The following ADAMTS18 variants were observed in gnomAD, a reference collection of about 807,000 sequenced individuals.
ADAMTS18 encodes the protein A disintegrin and metalloproteinase with thrombospondin motifs 18.
Under a neutral mutation model 165.9 loss-of-function variants are expected in ADAMTS18, and 157 were observed. That is an observed-to-expected ratio of 0.95 (90% confidence interval 0.83 to 1.08). The LOEUF (loss-of-function observed/expected upper bound fraction) is 1.08, where lower values mean the gene tolerates loss of function less well. ADAMTS18 is among the 50% of genes least tolerant of loss of function. ADAMTS18 has a pLI of 0.00. For missense variants in ADAMTS18, 2,040 were observed against 1,534.0 expected, an observed-to-expected ratio of 1.33 and a Z score of -5.51; for synonymous variants, 782 against 578.2, an observed-to-expected ratio of 1.35 and a Z score of -5.06.
At chr16:77,385,224 G>C (rs1423575851) in intron 3 of ADAMTS18, among the ~76,000 whole-genome samples, 1 of 152,042 alleles carries the variant, frequency 6.6e-6, no homozygotes, top group South Asian at 2.1e-4. Context: ...TAAATATTTT[G>C]ATATAAGATT....
intron 16 of ADAMTS18, among the ~76,000 whole-genome samples, chr16:77,318,341 A>G (rs926885029): frequency 2.0e-5 from 3 of 152,212 alleles, no homozygotes; most frequent in African/African-American, 7.2e-5. Flanking sequence ...AATGACAAGT[A>G]GCTGAGCCTT....
At chr16:77,413,306 T>G (rs188540716) in intron 3 of ADAMTS18, among the ~76,000 whole-genome samples, 488 of 152,292 alleles carry the variant, frequency 3.2e-3, no homozygotes, top group African/African-American at 0.012. Flanking sequence ...ACATTAAAAC[T>G]AAAGACAGGC....
chr16:77,289,542 ACATGTGCTTACAGTCCACAGCAT>A (rs1282939469), intron 21 of ADAMTS18, 131 bp from the exon 22 acceptor site: 2 of 1,009,444 alleles, frequency 2.0e-6, no homozygotes, highest in Admixed American at 4.0e-5. Flanking sequence ...GGAGCCAGGC[ACATGTGCTTACAGTCCACAGCAT>A]CTATCCTAAC....
intron 12 of ADAMTS18, among the ~76,000 whole-genome samples, chr16:77,329,098 TTCTC>T (rs752216914): frequency 4.2e-4 from 63 of 151,572 alleles, no homozygotes; most frequent in South Asian, 4.2e-4. Flanking sequence ...ATGAGGGAGA[TTCTC>T]TCTTTTTTTT....
chr16:77,294,775 T>C, intron 19 of ADAMTS18, 148 bp downstream of exon 19: 1 of 780,390 alleles, frequency 1.3e-6, no homozygotes, highest in South Asian at 1.6e-5. Flanking sequence ...TAAAGAACAT[T>C]AGTTAAAATG....
chr16:77,381,976 A>C (rs988294114), intron 3 of ADAMTS18, among the ~76,000 whole-genome samples: 14 of 152,066 alleles, frequency 9.2e-5, no homozygotes, highest in Non-Finnish European at 1.6e-4. Context: ...TCACCAATCT[A>C]GTTCAGATTT....
At chr16:77,379,456 G>T (rs55700236) in intron 3 of ADAMTS18, among the ~76,000 whole-genome samples, 56,374 of 151,946 alleles carry the variant, frequency 0.37, 11,205 homozygotes, top group East Asian at 0.79. Flanking sequence ...TGGACTAGAG[G>T]TGTCACCTTA....
intron 16 of ADAMTS18, among the ~76,000 whole-genome samples, chr16:77,314,778 A>ATATATATATATATATATATATATGTATG (rs1366859577): frequency 1.2e-5 from 1 of 85,510 alleles, no homozygotes; most frequent in Non-Finnish European, 2.4e-5. Flanking sequence ...ATATATATAT[A>ATATATATATATATATATATATATGTATG]TATATATAAA....
rs780657444 is a variant in ADAMTS18 at position 77,289,412 on chromosome 16, C to G, written c.3403-1G>C. The stretch of plus-strand genomic sequence containing the variant: ...CCCCTCCCCCACAGGTGACTGTGCA[C>G]TGCAGCAGAGAGAAGAGGAAGGAGT... On this transcript the variant is annotated splice_acceptor_variant, in intron 21 of 22. Transcript: ENST00000282849. LOFTEE classifies it high-confidence loss of function. The G allele has an allele frequency of 6.2e-6, 10 of 1,613,978 alleles. No homozygotes were observed. The highest frequency in any genetic ancestry group is 8.5e-6 in the Non-Finnish European group (10 of 1,179,960).
At chr16:77,426,624 T>C (rs1262458906) in intron 3 of ADAMTS18, among the ~76,000 whole-genome samples, 4 of 152,204 alleles carry the variant, frequency 2.6e-5, no homozygotes, top group African/African-American at 4.8e-5. Flanking sequence ...CTTCCCTAGA[T>C]TGTAAGCTCT....
rs551128164 is a variant in ADAMTS18 at position 77,319,487 on chromosome 16, G to T, written c.2532+362C>A. 1.4e-4 allele frequency among the ~76,000 whole-genome samples: 22 copies of T among 152,230 alleles called. No individual in the cohort carries two copies. In the South Asian group the frequency reaches 4.4e-3, roughly 30 times the overall value. On this transcript the variant is annotated intron_variant, in intron 16 of 22. Coordinates refer to ENST00000282849, the MANE Select transcript of ADAMTS18 (RefSeq NM_199355.4). ...TGAAACAGTCTTGCTCTGTTGCCCA[G>T]GCTGGAGTGCAGTGGCACATCTTGG... is the stretch of plus-strand genomic sequence containing the variant.
chr16:77,400,933 C>A (rs1333745472), intron 3 of ADAMTS18, among the ~76,000 whole-genome samples: 1 of 151,804 alleles, frequency 6.6e-6, no homozygotes, highest in Non-Finnish European at 1.5e-5. Context: ...TACCTGCACC[C>A]AAAATTCTTA....
At chr16:77,392,474 T>C (rs1345927322) in intron 3 of ADAMTS18, among the ~76,000 whole-genome samples, 1 of 152,106 alleles carries the variant, frequency 6.6e-6, no homozygotes, top group South Asian at 2.1e-4. Context: ...CCTACACGTG[T>C]CCACCTCAGA....
At chr16:77,418,818 G>T (rs2057563338) in intron 3 of ADAMTS18, among the ~76,000 whole-genome samples, 2 of 152,126 alleles carry the variant, frequency 1.3e-5, no homozygotes, top group South Asian at 4.1e-4. Context: ...GTTTTCTATT[G>T]CTGCCTAACA....
intron 7 of ADAMTS18, 87 bp from the exon 8 acceptor site, chr16:77,359,510 C>A: frequency 9.0e-7 from 1 of 1,110,476 alleles, no homozygotes; most frequent in South Asian, 1.3e-5. Flanking sequence ...ATGTTCTACA[C>A]AGTTTTAGTT....
chr16:77,425,976 A>G (rs1425480412), intron 3 of ADAMTS18, among the ~76,000 whole-genome samples: 2 of 151,900 alleles, frequency 1.3e-5, no homozygotes, highest in Non-Finnish European at 2.9e-5. Flanking sequence ...AATCTGGGAG[A>G]CAGAGGTTGC....
At chr16:77,304,707 GA>G in intron 16 of ADAMTS18, among the ~76,000 whole-genome samples, 1 of 152,224 alleles carries the variant, frequency 6.6e-6, no homozygotes, top group Admixed American at 6.5e-5. Flanking sequence ...CTGGCCAAAA[GA>G]AAAAGAGAAA....
chr16:77,384,006 G>A lies in ADAMTS18; in HGVS notation c.496-16283C>T, dbSNP rs143798001. 4.3e-4 allele frequency among the ~76,000 whole-genome samples: 65 copies of A among 152,122 alleles called. No homozygotes were observed. In the East Asian group the frequency reaches 0.01, roughly 24 times the overall value. On this transcript the variant is annotated intron_variant, in intron 3 of 22. Coordinates refer to ENST00000282849, the MANE Select transcript of ADAMTS18 (RefSeq NM_199355.4). ...TTATCATGACATGAGAGTGCCACAC[G>A]CAGCTGTTTCCTTCTGTGTTTACTG...
Position 77,291,252 on chromosome 16 carries a change from C to T in ADAMTS18, c.3402+14G>A, listed in dbSNP as rs200435002. The stretch of plus-strand genomic sequence containing the variant: ...TCACTTGAATAGACACCTCCTCAAT[C>T]GGCCTGTACCCACCTGCTGCCACGG... On this transcript the variant is annotated intron_variant, in intron 21 of 22. Coordinates refer to ENST00000282849, the MANE Select transcript of ADAMTS18 (RefSeq NM_199355.4). 1.5e-5 allele frequency: 24 copies of T among 1,613,456 alleles called. No individual in the cohort carries two copies. The highest frequency in any genetic ancestry group is 1.0e-4 in the Admixed American group (6 of 60,018).
Sources: allele counts gnomAD v4.1 joint callset (sites outside exome capture counted in the v4.1 genomes callset), GRCh38; gene constraint gnomAD v4.1.1; transcripts MANE v1.5; gene names NCBI Gene and HGNC (gene_info 2026-07-23, HGNC 2026-07-21).